Variants in SIL1 observed in about 807,000 individuals in gnomAD.
The protein encoded by SIL1 is nucleotide exchange factor SIL1.
Under a neutral mutation model 49.1 loss-of-function variants are expected in SIL1, and 40 were observed. The observed-to-expected ratio is 0.81, with a 90% confidence interval of 0.63 to 1.06. The LOEUF is 1.06. SIL1 is among the 50% of genes least tolerant of loss of function. The pLI is 0.00. For missense variants in SIL1, 500 were observed against 572.6 expected (o/e 0.87, Z 1.29); for synonymous variants, 253 against 250.8 (o/e 1.01, Z -0.08).
chr5:139,031,962 A>G (rs1284141030), intron 5 of SIL1, among the ~76,000 whole-genome samples: 1 of 152,206 alleles, frequency 6.6e-6, no homozygotes, highest in Non-Finnish European at 1.5e-5. Context: ...CATTGTCTGT[A>G]TATCTTGTGA....
At chr5:139,076,496 A>C (rs1372731004) in intron 3 of SIL1, among the ~76,000 whole-genome samples, 2 of 152,178 alleles carry the variant, frequency 1.3e-5, no homozygotes, top group African/African-American at 4.8e-5. Context: ...AAAACAGCCA[A>C]ATATATAGAC....
intron 3 of SIL1, among the ~76,000 whole-genome samples, chr5:139,099,088 A>T (rs1278726835): frequency 6.6e-6 from 1 of 152,106 alleles, no homozygotes; most frequent in Non-Finnish European, 1.5e-5. Flanking sequence ...AAGTGCTGGG[A>T]TTACAGGTGT....
At chr5:139,119,842 C>G (rs1256660499) in intron 3 of SIL1, among the ~76,000 whole-genome samples, 1 of 152,234 alleles carries the variant, frequency 6.6e-6, no homozygotes, top group Non-Finnish European at 1.5e-5. Context: ...CTACCCCTGA[C>G]AGCCTCTGGT....
chr5:139,086,471 TCTC>T (rs1770223874), intron 3 of SIL1, among the ~76,000 whole-genome samples: 1 of 151,532 alleles, frequency 6.6e-6, no homozygotes, highest in Admixed American at 6.6e-5. Context: ...TTCAAACAAT[TCTC>T]CTGCCTCAGC....
chr5:138,982,239 G>A (rs1157846792), intron 7 of SIL1, among the ~76,000 whole-genome samples: 1 of 152,156 alleles, frequency 6.6e-6, no homozygotes, highest in Non-Finnish European at 1.5e-5. Flanking sequence ...CAAATGAGCT[G>A]GCTTCCCTGA....
chr5:138,975,960 TACA>T (rs1360729112), intron 7 of SIL1, among the ~76,000 whole-genome samples: 2 of 152,258 alleles, frequency 1.3e-5, no homozygotes, highest in African/African-American at 4.8e-5. Flanking sequence ...TAATTTGTTA[TACA>T]ACAACACATA....
intron 3 of SIL1, among the ~76,000 whole-genome samples, chr5:139,070,496 T>C (rs1373856007): frequency 6.6e-6 from 1 of 152,198 alleles, no homozygotes; most frequent in African/African-American, 2.4e-5. Context: ...GGCCAGAATG[T>C]AGTCTTAAAA....
chr5:139,182,811 C>T (rs1227379934), intron 1 of SIL1, among the ~76,000 whole-genome samples: 2 of 152,164 alleles, frequency 1.3e-5, no homozygotes, highest in African/African-American at 4.8e-5. Flanking sequence ...TGAGTAGCTC[C>T]TCTGAAGTCT....
chr5:139,168,843 T>C (rs1160417944), intron 1 of SIL1, among the ~76,000 whole-genome samples: 1 of 151,462 alleles, frequency 6.6e-6, no homozygotes, highest in Non-Finnish European at 1.5e-5. Context: ...GTGTCTGTAG[T>C]CCCAGTTACT....
rs1561799392 is a variant in SIL1 at position 138,947,385 on chromosome 5, AG to A, written c.1117del (p.Leu373CysfsTer33). ...GATCTCGCACCAGCCCTGTTCCCAC[AG>A]GCCTGGCAGGAGGTGTACCTGGCGA... is the stretch of plus-strand genomic sequence containing the variant. ...QYRQVHLLPGLWEQGWCEITA... is the reference protein window; with the variant it reads ...QYRQVHLLPGXWEQGWCEITA... On this transcript the variant is annotated frameshift_variant, in exon 10 of 10. Transcript: ENST00000394817. LOFTEE classifies it high-confidence loss of function. The surrounding 1 kb of genome is among the most constrained non-coding windows in gnomAD (Gnocchi z 4.1). The A allele has an allele frequency of 6.2e-6, 10 of 1,613,566 alleles. No individual in the cohort carries two copies. The highest frequency in any genetic ancestry group is 3.3e-5 in the Admixed American group (2 of 60,006).
intron 3 of SIL1, among the ~76,000 whole-genome samples, chr5:139,064,030 T>C (rs1452023820): frequency 2.0e-5 from 3 of 152,212 alleles, no homozygotes; most frequent in Admixed American, 2.0e-4. Flanking sequence ...ATATTGTACT[T>C]CAATTTTTAA....
intron 1 of SIL1, among the ~76,000 whole-genome samples, chr5:139,176,827 A>G (rs1478838382): frequency 1.3e-5 from 2 of 152,070 alleles, no homozygotes. Context: ...AGACCATGGC[A>G]CTATCATTAT....
At chr5:138,985,198 T>G (rs1220625132) in intron 7 of SIL1, among the ~76,000 whole-genome samples, 1 of 152,126 alleles carries the variant, frequency 6.6e-6, no homozygotes, top group Non-Finnish European at 1.5e-5. Context: ...AGTGCCAGAG[T>G]TAAGAAATGC....
chr5:139,052,975 G>A (rs1447162922), intron 3 of SIL1, among the ~76,000 whole-genome samples: 2 of 152,128 alleles, frequency 1.3e-5, no homozygotes, highest in East Asian at 1.9e-4. Flanking sequence ...AAACAGCGGC[G>A]GAAGATGGTT....
At chr5:139,180,724 A>G (rs1446126957) in intron 1 of SIL1, among the ~76,000 whole-genome samples, 1 of 152,168 alleles carries the variant, frequency 6.6e-6, no homozygotes, top group Non-Finnish European at 1.5e-5. Context: ...AAATGAGACC[A>G]CAGTGATGAA....
chr5:139,032,982 G>GTTTTTGTTTTTGTTTTGT (rs1457280856), intron 5 of SIL1: 12 of 151,800 alleles, frequency 7.9e-5, no homozygotes, highest in Non-Finnish European at 1.6e-4. Context: ...TGGATTTTTT[G>GTTTTTGTTTTTGTTTTGT]TTTTTGTTTT....
intron 1 of SIL1, among the ~76,000 whole-genome samples, chr5:139,175,779 A>G (rs571524612): frequency 6.6e-6 from 1 of 152,284 alleles, no homozygotes; most frequent in African/African-American, 2.4e-5. Flanking sequence ...CCTGGGCAAC[A>G]TGGTGAAAAC....
At chr5:139,062,894 G>A (rs1165145133) in intron 3 of SIL1, among the ~76,000 whole-genome samples, 1 of 152,250 alleles carries the variant, frequency 6.6e-6, no homozygotes, top group African/African-American at 2.4e-5. Flanking sequence ...GGCCACTGCT[G>A]TGTTGGGCAC....
chr5:139,096,928 T>G (rs1011947579), intron 3 of SIL1, among the ~76,000 whole-genome samples: 1 of 152,006 alleles, frequency 6.6e-6, no homozygotes, highest in African/African-American at 2.4e-5. Context: ...ATGACATTTC[T>G]GGACCTACCC....
Sources: gnomAD v4.1 joint callset for allele counts (sites outside exome capture counted in the v4.1 genomes callset) on GRCh38, gnomAD v4.1.1 for gene constraint, Gnocchi (gnomAD v3.1) non-coding constraint, MANE v1.5 for transcripts, NCBI Gene and HGNC (gene_info 2026-07-23, HGNC 2026-07-21) for gene names.